The following KIF3C variants were observed in gnomAD, a reference collection of about 807,000 sequenced individuals.
KIF3C encodes kinesin-like protein KIF3C.
In KIF3C, 12 loss-of-function variants were observed where a neutral mutation model predicts 67.7. The ratio of observed to expected loss-of-function variants is 0.18; its 90% CI spans 0.11 to 0.29. The LOEUF (loss-of-function observed/expected upper bound fraction) is 0.29, where lower values mean the gene tolerates loss of function less well. Ranked by LOEUF, KIF3C falls within the 10% of genes least tolerant of loss-of-function variation. KIF3C has a pLI of 1.00. For missense variants in KIF3C, 789 were observed against 1,059.6 expected (o/e 0.74, Z 3.55); for synonymous variants, 393 against 426.2 (o/e 0.92, Z 0.96).
chr2:25,959,519 A>C (rs1663892192), intron 1 of KIF3C, among the ~76,000 whole-genome samples: 1 of 151,828 alleles, frequency 6.6e-6, no homozygotes, highest in South Asian at 2.1e-4. Flanking sequence ...GGCTCACTGC[A>C]ACCTTCACCT....
intron 5 of KIF3C, among the ~76,000 whole-genome samples, chr2:25,947,673 GT>G (rs1047996458): frequency 6.6e-6 from 1 of 151,984 alleles, no homozygotes; most frequent in African/African-American, 2.4e-5. Context: ...TCTGTGAATG[GT>G]TTTTTTCAGC....
intron 5 of KIF3C, among the ~76,000 whole-genome samples, chr2:25,934,998 C>T (rs1663051024): frequency 6.6e-6 from 1 of 151,916 alleles, no homozygotes; most frequent in Non-Finnish European, 1.5e-5. Flanking sequence ...AATCCCAGCA[C>T]TTTGGGAGGC....
chr2:25,945,037 A>G (rs995875478), intron 5 of KIF3C, among the ~76,000 whole-genome samples: 7 of 152,062 alleles, frequency 4.6e-5, no homozygotes, highest in Non-Finnish European at 8.8e-5. Flanking sequence ...AGGCTGAGGC[A>G]GGAGAATCAC....
intron 1 of KIF3C, among the ~76,000 whole-genome samples, chr2:25,957,979 T>C (rs371492115): frequency 2.2e-4 from 33 of 152,282 alleles, no homozygotes; most frequent in African/African-American, 7.5e-4. Flanking sequence ...AGGCTCCTCC[T>C]TCACACTCCA....
intron 5 of KIF3C, among the ~76,000 whole-genome samples, chr2:25,939,566 G>A (rs186206880): frequency 6.6e-6 from 1 of 152,316 alleles, no homozygotes; most frequent in African/African-American, 2.4e-5. Flanking sequence ...AGCTAGGAAT[G>A]TTCTTACTGG....
intron 4 of KIF3C, among the ~76,000 whole-genome samples, chr2:25,952,545 GTGTGTA>G (rs1222891170): frequency 2.6e-3 from 265 of 100,612 alleles, no homozygotes; most frequent in Middle Eastern, 4.4e-3. Context: ...GTGTGTGTGT[GTGTGTA>G]TATATATATA....
rs546016897 is a variant in KIF3C, at chr2:25,951,132, C to T, written c.2006+657G>A. Among the ~76,000 whole-genome samples, 9 of 152,118 alleles carry T rather than the reference C, an allele frequency of 5.9e-5. No individual in the cohort carries two copies. In the East Asian group the frequency reaches 1.7e-3, roughly 29 times the overall value. On this transcript the variant is annotated intron_variant, in intron 5 of 7. Coordinates refer to ENST00000264712, the MANE Select transcript of KIF3C (RefSeq NM_002254.8). ...TCTCTATATATTTGCAATTAAGGGC[C>T]CATGGTTCAGCCGGGCAAGGCCTCA...
chr2:25,938,231 A>G (rs921291248), intron 5 of KIF3C: 1 of 448,042 alleles, frequency 2.2e-6, no homozygotes, highest in Non-Finnish European at 4.4e-6. Flanking sequence ...AGCATGGCAC[A>G]TACCTGTAAC....
chr2:25,940,523 T>C (rs1196217839), intron 5 of KIF3C, among the ~76,000 whole-genome samples: 1 of 148,320 alleles, frequency 6.7e-6, no homozygotes. Flanking sequence ...TGAGCTGAGA[T>C]CACGCCACTG....
chr2:25,973,273 G>T (rs916154874), intron 1 of KIF3C, among the ~76,000 whole-genome samples: 1 of 152,142 alleles, frequency 6.6e-6, no homozygotes, highest in East Asian at 1.9e-4. Context: ...ACATATTTAG[G>T]TCAGGCACGG....
intron 5 of KIF3C, among the ~76,000 whole-genome samples, chr2:25,939,728 G>A (rs1429152856): frequency 1.3e-5 from 2 of 152,074 alleles, no homozygotes; most frequent in Non-Finnish European, 2.9e-5. Context: ...CGAGGCAGAT[G>A]GATTACCTGA....
chr2:25,954,277 G>C lies in KIF3C; in HGVS notation c.1879C>G (p.Leu627Val), dbSNP rs778828781. 1.7e-5 allele frequency: 27 copies of C among 1,613,736 alleles called. 1 individual carries two copies. The South Asian group carries it at 2.9e-4, about 17-fold the overall frequency. The change falls in exon 4 of 8, where the codon CTC becomes GTC. Residue 627 changes from leucine to valine, a missense_variant. This residue lies in a region of KIF3C where 648 missense variants were observed against 807.8 expected (regional missense o/e 0.80). Transcript: ENST00000264712. ...AGCTGCGGGCCCTACTTGAGCTTGA[G>C]TTCGCGGGTCTGCTCGTTCTGCGCC... ...EEAQNEQTRE[L>V]KLKYLIIENF...
At chr2:25,951,115 T>C (rs1020256099) in intron 5 of KIF3C, among the ~76,000 whole-genome samples, 1 of 152,090 alleles carries the variant, frequency 6.6e-6, no homozygotes, top group Non-Finnish European at 1.5e-5. Context: ...TCTCTCTATA[T>C]ATTTGCAATT....
chr2:25,976,097 G>C (rs1008529757), intron 1 of KIF3C, among the ~76,000 whole-genome samples: 1 of 152,080 alleles, frequency 6.6e-6, no homozygotes, highest in Non-Finnish European at 1.5e-5. Context: ...TACTGTTGTC[G>C]CTCAGGCTTG....
intron 1 of KIF3C, among the ~76,000 whole-genome samples, chr2:25,968,194 A>G (rs1335057380): frequency 2.6e-5 from 4 of 152,232 alleles, no homozygotes; most frequent in Admixed American, 6.5e-5. Context: ...TTTCAATGAT[A>G]TCCTTCCCTG....
rs751687802 is a variant in KIF3C at position 25,929,409 on chromosome 2, G to A, written c.2184C>T (p.His728=). The change falls in exon 7 of 8, where the codon CAC becomes CAT. Residue 728 remains histidine (H), a synonymous_variant. Transcript: ENST00000264712. The part of the protein sequence containing the change: ...PPAVFEMEFS[H]DQEQDPRALH... ...GCGCACGAGGGTCTTGTTCTTGGTC[G>A]TGAGAGAATTCCATCTCAAAGACAG... 30 of 1,613,890 alleles carry A rather than the reference G, an allele frequency of 1.9e-5. No individual in the cohort carries two copies. Among genetic ancestry groups the A allele is most frequent in the Admixed American group, 1.2e-4 (7 of 59,986 alleles).
At chr2:25,937,735 AATCTTCCC>A (rs1459868491) in intron 5 of KIF3C, among the ~76,000 whole-genome samples, 1 of 152,072 alleles carries the variant, frequency 6.6e-6, no homozygotes, top group Non-Finnish European at 1.5e-5. Context: ...TAGGAATCTG[AATCTTCCC>A]ATATACTCCT....
In KIF3C at chr2:25,932,326, AGGGGG is replaced by A. The variant is rs1559547228; in HGVS notation, c.2007-2268_2007-2264del. Among the ~76,000 whole-genome samples the A allele has an allele frequency of 9.9e-5, 15 of 150,960 alleles. No homozygotes were observed. The South Asian group carries it at 3.2e-3, about 32-fold the overall frequency. On this transcript the variant is annotated intron_variant, in intron 5 of 7. Coordinates refer to ENST00000264712, the MANE Select transcript of KIF3C (RefSeq NM_002254.8). ...GTAATTTTTAACTTTTAGTAGAGACAGGGGGTTTCACCATCTTGGCCAGGCTGGTC... is the reference window on the plus strand; with the variant it reads ...GTAATTTTTAACTTTTAGTAGAGACATTTCACCATCTTGGCCAGGCTGGTC...
intron 1 of KIF3C, among the ~76,000 whole-genome samples, chr2:25,969,018 T>C (rs1559557025): frequency 6.6e-6 from 1 of 152,096 alleles, no homozygotes. Flanking sequence ...GAGACAGGGT[T>C]TCGCCACGTT....
Sources: gnomAD v4.1 joint callset for allele counts (sites outside exome capture counted in the v4.1 genomes callset) on GRCh38, gnomAD v4.1.1 for gene constraint, gnomAD v4.1.1 regional missense constraint, MANE v1.5 for transcripts, NCBI Gene and HGNC (gene_info 2026-07-23, HGNC 2026-07-21) for gene names.